The following SMO variants were observed in gnomAD, a reference collection of about 807,000 sequenced individuals.
SMO encodes the protein protein smoothened.
Under a neutral mutation model 81.6 loss-of-function variants are expected in SMO, and 40 were observed. The ratio of observed to expected loss-of-function variants is 0.49; its 90% confidence interval spans 0.38 to 0.64. SMO has a LOEUF of 0.64. Among genes scored for constraint, SMO ranks in the 30% least tolerant of loss-of-function variants. The pLI, the probability that SMO is intolerant of heterozygous loss-of-function variation, is 0.00. For synonymous variants in SMO, 434 were observed against 432.1 expected (o/e 1.00, Z -0.05); for missense variants, 916 against 1,061.1 (o/e 0.86, Z 1.90).
Position 129,189,609 on chromosome 7 carries a change from G to T in SMO, c.331+127G>T, listed in dbSNP as rs1182440579. The T allele has an allele frequency of 2.9e-6, 3 of 1,030,012 alleles. No individual in the cohort carries two copies. Among genetic ancestry groups the T allele is most frequent in the Admixed American group, 5.0e-5 (2 of 39,882 alleles). The allele number at this position is 1,030,012 out of a possible 1,614,324, so 63.8% of individuals were successfully genotyped here. A position where few individuals can be genotyped will look rare whatever the true frequency, so the allele number is the denominator to read the frequency against. Reference sequence around the variant, plus strand: ...GGACAGCACCCGGGAGAGTTGGAGGGACAGATCCCGAAACTTTGGGGGCAG... The same window carrying T: ...GGACAGCACCCGGGAGAGTTGGAGGTACAGATCCCGAAACTTTGGGGGCAG... On this transcript the variant is annotated intron_variant, in intron 1 of 11. Coordinates refer to ENST00000249373, the MANE Select transcript of SMO (RefSeq NM_005631.5). The surrounding 1 kb of genome is among the most constrained non-coding windows in gnomAD (Gnocchi z 4.7).
chr7:129,209,237 C>A (rs2150652662), intron 7 of SMO, 52 bp from the exon 8 acceptor site: 1 of 1,102,088 alleles, frequency 9.1e-7, no homozygotes, highest in Non-Finnish European at 1.4e-6. Flanking sequence ...CTCCCCACTG[C>A]TGCTGCGGGA....
intron 8 of SMO, 127 bp downstream of exon 8, chr7:129,209,524 G>C: frequency 4.7e-6 from 3 of 638,296 alleles, no homozygotes; most frequent in Non-Finnish European, 8.6e-6. Context: ...TCAATGGATG[G>C]TGTCTGGGTG....
At chr7:129,202,008 G>C (rs966384352) in intron 1 of SMO, among the ~76,000 whole-genome samples, 1 of 152,050 alleles carries the variant, frequency 6.6e-6, no homozygotes, top group Non-Finnish European at 1.5e-5. Flanking sequence ...AGTCAAGTGG[G>C]AACTGTTGCC....
In SMO at chr7:129,189,082, G is replaced by C; in HGVS notation, c.-70G>C. 1 of 1,194,614 alleles carries C rather than the reference G, an allele frequency of 8.4e-7. No homozygotes were observed. Among genetic ancestry groups the C allele is most frequent in the Non-Finnish European group, 1.0e-6 (1 of 960,412 alleles). 74.0% of individuals were successfully genotyped at this position (1,194,614 alleles called of 1,614,324 possible). A position where few individuals can be genotyped will look rare whatever the true frequency, so the allele number is the denominator to read the frequency against. On this transcript the variant is annotated 5_prime_UTR_variant, in exon 1 of 12. Transcript: ENST00000249373. This position sits in a 1 kb window ranked among gnomAD's most constrained non-coding sequence, Gnocchi z 4.7. ...CCGCCTCCGCGGCCGCCGAGGTCGTGCGTGTGGCCGGGGGGCTCCGAGGAG... is the reference window on the plus strand; with the variant it reads ...CCGCCTCCGCGGCCGCCGAGGTCGTCCGTGTGGCCGGGGGGCTCCGAGGAG...
chr7:129,212,199 G>A lies in SMO; in HGVS notation c.2112G>A (p.Leu704=), dbSNP rs2150656733. 6.4e-7 allele frequency: 1 copy of A among 1,564,214 alleles called. No individual in the cohort carries two copies. The highest frequency in any genetic ancestry group is 8.7e-7 in the Non-Finnish European group (1 of 1,154,140). ...PAPAPSTIPR[L]PQLPRQKCLV... is the part of the protein sequence containing the mutation. Reference sequence around the variant, plus strand: ...CTGCCCCCAGTACCATTCCTCGACTGCCTCAGCTGCCCCGGCAGAAATGCC... The same window carrying A: ...CTGCCCCCAGTACCATTCCTCGACTACCTCAGCTGCCCCGGCAGAAATGCC... Residue 704 remains leucine, a synonymous_variant, in exon 12 of 12, where the codon CTG becomes CTA. Transcript: ENST00000249373. This position sits in a 1 kb window ranked among gnomAD's most constrained non-coding sequence, Gnocchi z 5.0.
rs1480881066 is a variant in SMO at position 129,211,944 on chromosome 7, AGGTTAAGTGCTCCCAGGGGAGCGGGGGT to A, written c.1937-77_1937-50del. 6 of 1,445,960 alleles carry A rather than the reference AGGTTAAGTGCTCCCAGGGGAGCGGGGGT, an allele frequency of 4.1e-6. No individual in the cohort carries two copies. The highest frequency in any genetic ancestry group is 5.6e-6 in the Non-Finnish European group (6 of 1,078,120). 89.6% of individuals were successfully genotyped at this position (1,445,960 alleles called of 1,614,324 possible). A position where few individuals can be genotyped will look rare whatever the true frequency, so the allele number is the denominator to read the frequency against. On this transcript the variant is annotated intron_variant, in intron 11 of 11. Coordinates refer to ENST00000249373, the MANE Select transcript of SMO (RefSeq NM_005631.5). This position sits in a 1 kb window ranked among gnomAD's most constrained non-coding sequence, Gnocchi z 4.6. ...TAGAGACCTGGGCCCCAGAACTAACAGGTTAAGTGCTCCCAGGGGAGCGGGGGTGGCATGGACAGAGCCAGGGCCCCAG... is the reference window on the plus strand; with the variant it reads ...TAGAGACCTGGGCCCCAGAACTAACAGGCATGGACAGAGCCAGGGCCCCAG...
chr7:129,209,488 C>T, intron 8 of SMO, 91 bp downstream of exon 8: 1 of 776,200 alleles, frequency 1.3e-6, no homozygotes, highest in Non-Finnish European at 2.2e-6. Flanking sequence ...CAGGGATTTG[C>T]CAGGTCCCTG....
Position 129,209,544 on chromosome 7 carries a change from T to C in SMO, c.1466+147T>C, listed in dbSNP as rs1793831245. 3.1e-5 allele frequency: 19 copies of C among 613,372 alleles called. No homozygotes were observed. The South Asian group carries it at 3.7e-4, about 12-fold the overall frequency. 38.0% of individuals were successfully genotyped at this position (613,372 alleles called of 1,614,324 possible). A position where few individuals can be genotyped will look rare whatever the true frequency, so the allele number is the denominator to read the frequency against. On this transcript the variant is annotated intron_variant, in intron 8 of 11. Coordinates refer to ENST00000249373, the MANE Select transcript of SMO (RefSeq NM_005631.5). ...GGATGGTGTCTGGGTGCATAAGGCA[T>C]CAGTCTCCGTAGTTTCTCAAACGTG...
At position 129,205,787 on chromosome 7, in the gene SMO, G is replaced by A. The variant is rs2150649458; in HGVS notation, c.920+5G>A. 1 of 1,601,244 alleles carries A rather than the reference G, an allele frequency of 6.2e-7. No individual in the cohort carries two copies. The highest frequency in any genetic ancestry group is 8.5e-7 in the Non-Finnish European group (1 of 1,177,474). On this transcript the variant is annotated splice_donor_5th_base_variant and intron_variant, in intron 4 of 11. Coordinates refer to ENST00000249373, the MANE Select transcript of SMO (RefSeq NM_005631.5). ...CATGAGGCTTGGGGAGCCCACGTAG[G>A]TGTCTTGGGGACCCAGAGGTGAAGG...
In SMO at chr7:129,189,320, C is replaced by G. The variant is rs1404093690; in HGVS notation, c.169C>G (p.Pro57Ala). 4 of 1,500,506 alleles carry G rather than the reference C, an allele frequency of 2.7e-6. No individual in the cohort carries two copies. The highest frequency in any genetic ancestry group is 2.6e-6 in the Non-Finnish European group (3 of 1,132,340). The allele number at this position is 1,500,506 out of a possible 1,614,324, so 92.9% of individuals were successfully genotyped here. ...SARRSAAVTG[P>A]PPPLSHCGRA... ...GAGGAGGAGCGCGGCGGTGACTGGC[C>G]CTCCGCCGCCGCTGAGCCACTGCGG... Residue 57 changes from proline to alanine, a missense_variant, in exon 1 of 12, where the codon CCT (proline) becomes GCT (alanine). Physicochemically the swap from Pro to Ala is conservative, Grantham distance 27 (BLOSUM62 -1). Transcript: ENST00000249373. The surrounding 1 kb of genome is among the most constrained non-coding windows in gnomAD (Gnocchi z 4.7).
At chr7:129,205,544 A>T (rs2150648809) in intron 3 of SMO, 66 bp from the exon 4 acceptor site, 1 of 1,542,412 alleles carries the variant, frequency 6.5e-7, no homozygotes, top group Non-Finnish European at 8.9e-7. Context: ...TCTGGGGCTC[A>T]GTTAAGGGTG....
intron 1 of SMO, among the ~76,000 whole-genome samples, chr7:129,194,824 C>T (rs1793545681): frequency 6.6e-6 from 1 of 152,078 alleles, no homozygotes; most frequent in South Asian, 2.1e-4. Context: ...ACTCTGTCAC[C>T]TAGGCTAGAG....
rs1278251452 is a variant in SMO at position 129,208,069 on chromosome 7, T to G, written c.1265-690T>G. ...TGATTTTATTTTGAATATATTAGGT[T>G]TGTAAAATATATTGATATTAGTTTT... On this transcript the variant is annotated intron_variant, in intron 6 of 11. Transcript: ENST00000249373. The surrounding 1 kb of genome is among the most constrained non-coding windows in gnomAD (Gnocchi z 5.2). 6.6e-6 allele frequency among the ~76,000 whole-genome samples: 1 copy of G among 152,252 alleles called. No individual in the cohort carries two copies. Among genetic ancestry groups the G allele is most frequent in the Non-Finnish European group, 1.5e-5 (1 of 68,046 alleles).
chr7:129,204,869 G>A (rs530709286), intron 2 of SMO, among the ~76,000 whole-genome samples: 6 of 149,854 alleles, frequency 4.0e-5, no homozygotes, highest in Admixed American at 1.3e-4. Flanking sequence ...ATTTAGCCGG[G>A]TGTGGTGGTG....
intron 3 of SMO, 25 bp downstream of exon 3, chr7:129,205,437 G>C (rs760715087): frequency 1.3e-6 from 2 of 1,594,102 alleles, no homozygotes; most frequent in Non-Finnish European, 1.7e-6. Flanking sequence ...GGCAGGCCCG[G>C]GGGGCCCTCA....
Position 129,189,265 on chromosome 7 carries a change from G to A in SMO, c.114G>A (p.Gly38=), listed in dbSNP as rs933729319. Residue 38 remains glycine, a synonymous_variant, in exon 1 of 12, where the codon GGG becomes GGA. Transcript: ENST00000249373. The surrounding 1 kb of genome is among the most constrained non-coding windows in gnomAD (Gnocchi z 4.7). ...RGAASSGNAT[G]PGPRSAGGSA... ...CGGCCTCGAGCGGGAACGCGACCGGGCCTGGGCCTCGGAGCGCGGGCGGGA... is the reference window on the plus strand; with the variant it reads ...CGGCCTCGAGCGGGAACGCGACCGGACCTGGGCCTCGGAGCGCGGGCGGGA... 33 of 1,373,446 alleles carry A rather than the reference G, an allele frequency of 2.4e-5. No individual in the cohort carries two copies. Among genetic ancestry groups the A allele is most frequent in the Admixed American group, 7.3e-5 (2 of 27,516 alleles). 85.1% of individuals were successfully genotyped at this position (1,373,446 alleles called of 1,614,324 possible). A position where few individuals can be genotyped will look rare whatever the true frequency, so the allele number is the denominator to read the frequency against.
At chr7:129,197,693 T>C (rs1288631129) in intron 1 of SMO, among the ~76,000 whole-genome samples, 3 of 152,200 alleles carry the variant, frequency 2.0e-5, no homozygotes, top group Admixed American at 6.5e-5. Flanking sequence ...AGTGCTAGGA[T>C]TACAGGTGTG....
At chr7:129,202,837 TC>T (rs1793692581) in intron 1 of SMO, among the ~76,000 whole-genome samples, 2 of 151,986 alleles carry the variant, frequency 1.3e-5, no homozygotes, top group African/African-American at 4.8e-5. Context: ...AAAAGGTAAA[TC>T]CACCCCGGGG....
At chr7:129,198,644 T>A (rs911660149) in intron 1 of SMO, among the ~76,000 whole-genome samples, 7 of 152,230 alleles carry the variant, frequency 4.6e-5, no homozygotes, top group African/African-American at 1.7e-4. Context: ...AGCCTTTCAA[T>A]GTTTAGATAT....
Sources: gnomAD v4.1 joint callset for allele counts (sites outside exome capture counted in the v4.1 genomes callset) on GRCh38, gnomAD v4.1.1 for gene constraint, Gnocchi (gnomAD v3.1) non-coding constraint, MANE v1.5 for transcripts, NCBI Gene and HGNC (gene_info 2026-07-23, HGNC 2026-07-21) for gene names.